The following RNF130 variants were observed in gnomAD, a reference collection of about 807,000 sequenced individuals.
The protein encoded by RNF130 is E3 ubiquitin-protein ligase RNF130.
RNF130 carries 21 observed loss-of-function variants against 44.6 expected under a neutral mutation model. That is an observed-to-expected ratio of 0.47 (90% CI 0.33 to 0.68). RNF130 has a LOEUF of 0.68. RNF130 is among the 30% of genes least tolerant of loss of function. The pLI is 0.02. For missense variants in RNF130, 479 were observed against 560.6 expected, an observed-to-expected ratio of 0.85 and a Z score of 1.47; for synonymous variants, 214 against 210.4, an observed-to-expected ratio of 1.02 and a Z score of -0.15.
intron 5 of RNF130, among the ~76,000 whole-genome samples, chr5:179,974,650 G>A (rs1247648821): frequency 1.3e-5 from 2 of 152,246 alleles, no homozygotes; most frequent in African/African-American, 4.8e-5. Flanking sequence ...GAGGGAAGAG[G>A]CAGTGGGCAG....
chr5:180,054,469 G>A (rs1424777281), intron 1 of RNF130, among the ~76,000 whole-genome samples: 1 of 152,026 alleles, frequency 6.6e-6, no homozygotes, highest in South Asian at 2.1e-4. Flanking sequence ...TAACTTCTCC[G>A]ATATCCAGTT....
chr5:180,016,239 C>A (rs1358747855), intron 2 of RNF130, among the ~76,000 whole-genome samples: 1 of 152,194 alleles, frequency 6.6e-6, no homozygotes, highest in African/African-American at 2.4e-5. Context: ...AAAGGGCCTT[C>A]TCCCCATACT....
At chr5:179,991,017 A>C (rs980804910) in intron 3 of RNF130, among the ~76,000 whole-genome samples, 1 of 152,214 alleles carries the variant, frequency 6.6e-6, no homozygotes, top group Non-Finnish European at 1.5e-5. Flanking sequence ...CTTGTTGCCC[A>C]CATTTGCTTG....
intron 6 of RNF130, among the ~76,000 whole-genome samples, chr5:179,969,073 G>A (rs941060196): frequency 1.4e-4 from 21 of 152,346 alleles, no homozygotes; most frequent in African/African-American, 4.8e-4. Context: ...AAGCTAAAAT[G>A]AGTTCATCTG....
intron 1 of RNF130, among the ~76,000 whole-genome samples, chr5:180,057,890 C>A (rs1764872408): frequency 6.6e-6 from 1 of 152,044 alleles, no homozygotes; most frequent in African/African-American, 2.4e-5. Flanking sequence ...GTGTGGGTAC[C>A]CTTTGTCCCA....
At chr5:179,969,503 G>A (rs550318081) in intron 6 of RNF130, among the ~76,000 whole-genome samples, 40 of 152,124 alleles carry the variant, frequency 2.6e-4, no homozygotes, top group South Asian at 1.7e-3. Context: ...GGTAGGTACT[G>A]GAATGAAGAA....
chr5:179,992,788 A>G (rs1321664234), intron 3 of RNF130, among the ~76,000 whole-genome samples: 1 of 152,134 alleles, frequency 6.6e-6, no homozygotes, highest in East Asian at 1.9e-4. Context: ...GGTTTGTTAC[A>G]TATGTATACA....
At chr5:179,985,671 C>T (rs901471842) in intron 3 of RNF130, among the ~76,000 whole-genome samples, 1 of 152,116 alleles carries the variant, frequency 6.6e-6, no homozygotes, top group Non-Finnish European at 1.5e-5. Context: ...AATTAAAAAC[C>T]GGCAGATGGT....
intron 1 of RNF130, among the ~76,000 whole-genome samples, chr5:180,050,207 G>A (rs1055358911): frequency 3.3e-5 from 5 of 152,216 alleles, no homozygotes; most frequent in Admixed American, 2.0e-4. Context: ...GGCAATTATG[G>A]AGACAGACAA....
intron 7 of RNF130, among the ~76,000 whole-genome samples, chr5:179,945,172 T>C (rs1486336538): frequency 2.0e-5 from 3 of 152,104 alleles, no homozygotes; most frequent in Admixed American, 2.0e-4. Context: ...CCACTGGAGG[T>C]GAGGCTGGGC....
intron 3 of RNF130, among the ~76,000 whole-genome samples, chr5:180,007,243 A>G (rs536896894): frequency 2.2e-4 from 34 of 152,206 alleles, no homozygotes; most frequent in African/African-American, 7.9e-4. Context: ...TCTACTAAAA[A>G]TACAAAAATT....
intron 2 of RNF130, among the ~76,000 whole-genome samples, chr5:180,022,132 T>C (rs1320496989): frequency 2.0e-5 from 3 of 152,224 alleles, no homozygotes; most frequent in African/African-American, 7.2e-5. Context: ...GAGAGCTTTT[T>C]TTTATTTGCC....
At chr5:179,985,600 G>A (rs1762936469) in intron 3 of RNF130, among the ~76,000 whole-genome samples, 1 of 152,020 alleles carries the variant, frequency 6.6e-6, no homozygotes, top group Non-Finnish European at 1.5e-5. Flanking sequence ...CTAATTTCAG[G>A]GACAAAGCAC....
chr5:179,990,894 TTAA>T (rs759412317), intron 3 of RNF130, among the ~76,000 whole-genome samples: 3 of 152,342 alleles, frequency 2.0e-5, no homozygotes, highest in Admixed American at 2.0e-4. Context: ...AAACTAATGA[TTAA>T]TGATATTCAT....
rs1765278243 is a variant in RNF130, at chr5:180,071,735, C to A, written c.-33G>T. 3 of 1,190,550 alleles carry A rather than the reference C, an allele frequency of 2.5e-6. No individual in the cohort carries two copies. Among genetic ancestry groups the A allele is most frequent in the Middle Eastern group, 3.3e-4 (1 of 3,004 alleles). 73.7% of individuals were successfully genotyped at this position (1,190,550 alleles called of 1,614,324 possible). On this transcript the variant is annotated 5_prime_UTR_variant, in exon 1 of 9. Coordinates refer to ENST00000521389, the MANE Select transcript of RNF130 (RefSeq NM_018434.6). ...CCGGCAGCCGCCGCTGCTCGCGGAC[C>A]GGGCTCCGGGGCCGGCGCCTAGAGG...
intron 1 of RNF130, among the ~76,000 whole-genome samples, chr5:180,057,266 G>A (rs1444548116): frequency 6.6e-6 from 1 of 152,166 alleles, no homozygotes; most frequent in African/African-American, 2.4e-5. Flanking sequence ...TGTCTGTGTC[G>A]GGGTGGGCAC....
At chr5:180,013,562 T>A (rs1763642392) in intron 2 of RNF130, among the ~76,000 whole-genome samples, 1 of 152,224 alleles carries the variant, frequency 6.6e-6, no homozygotes, top group Non-Finnish European at 1.5e-5. Context: ...AAGAACCATA[T>A]TAACTTGTCT....
chr5:180,065,136 A>T (rs550985669), intron 1 of RNF130, among the ~76,000 whole-genome samples: 818 of 80,188 alleles, frequency 0.01, 4 homozygotes, highest in Non-Finnish European at 0.018. Context: ...GAATGAATTT[A>T]AAAAAAAAAA....
At chr5:180,028,186 T>C (rs1235086111) in intron 2 of RNF130, among the ~76,000 whole-genome samples, 1 of 152,210 alleles carries the variant, frequency 6.6e-6, no homozygotes, top group African/African-American at 2.4e-5. Context: ...ACTCGGATGC[T>C]GTTTCCTCAA....
Sources: allele counts gnomAD v4.1 joint callset (sites outside exome capture counted in the v4.1 genomes callset), GRCh38; gene constraint gnomAD v4.1.1; transcripts MANE v1.5; gene names NCBI Gene and HGNC (gene_info 2026-07-23, HGNC 2026-07-21).